The following NLGN1 variants were observed in gnomAD, a reference collection of about 807,000 sequenced individuals.
NLGN1 encodes neuroligin 1.
NLGN1 carries 12 observed loss-of-function variants against 65.5 expected under a neutral mutation model. The ratio of observed to expected loss-of-function variants is 0.18; its 90% CI spans 0.12 to 0.30. NLGN1 has a LOEUF of 0.30. Among genes scored for constraint, NLGN1 ranks in the 10% least tolerant of loss-of-function variants. The probability of loss-of-function intolerance (pLI) is 1.00; values close to 1 mark genes in which losing one functional copy is unlikely to be tolerated. For synonymous variants in NLGN1, 350 were observed against 359.5 expected (o/e 0.97, Z 0.30); for missense variants, 750 against 1,007.1 (o/e 0.74, Z 3.46).
Position 174,066,049 on chromosome 3 carries a change from A to T in NLGN1, c.647-209266A>T, listed in dbSNP as rs111994661. 5.5e-3 allele frequency among the ~76,000 whole-genome samples: 843 copies of T among 152,336 alleles called. 11 individuals carry two copies. Among genetic ancestry groups the T allele is most frequent in the African/African-American group, 0.02 (812 of 41,580 alleles). On this transcript the variant is annotated intron_variant, in intron 4 of 6. Transcript: ENST00000457714. ...ATTTGTTACACAGCATTACTAATGC[A>T]CTTGGATTTGTAAGACTGCTTTTTA... is the stretch of plus-strand genomic sequence containing the variant.
At chr3:173,713,091 G>T (rs142247353) in intron 3 of NLGN1, among the ~76,000 whole-genome samples, 2 of 152,036 alleles carry the variant, frequency 1.3e-5, no homozygotes, top group Non-Finnish European at 2.9e-5. Flanking sequence ...AAACAAGGTT[G>T]CATTTTTATA....
intron 2 of NLGN1, among the ~76,000 whole-genome samples, chr3:173,448,051 A>T (rs1720718430): frequency 6.6e-6 from 1 of 152,122 alleles, no homozygotes; most frequent in African/African-American, 2.4e-5. Context: ...AATGCCCTTT[A>T]TTTCCTTCTC....
At chr3:173,510,442 A>G (rs1325591597) in intron 2 of NLGN1, among the ~76,000 whole-genome samples, 1 of 152,190 alleles carries the variant, frequency 6.6e-6, no homozygotes, top group African/African-American at 2.4e-5. Context: ...TTATAGCCAG[A>G]ACACAGGTGA....
At chr3:173,871,293 GA>G in intron 4 of NLGN1, among the ~76,000 whole-genome samples, 1 of 152,050 alleles carries the variant, frequency 6.6e-6, no homozygotes, top group Non-Finnish European at 1.5e-5. Flanking sequence ...AGTAGATGTG[GA>G]AAAAAAGATG....
At chr3:173,608,953 C>T (rs1210873490) in intron 3 of NLGN1, among the ~76,000 whole-genome samples, 1 of 152,076 alleles carries the variant, frequency 6.6e-6, no homozygotes. Flanking sequence ...AATAATACCA[C>T]ATGCTTCTTA....
At chr3:174,196,305 A>AT (rs141985993) in intron 4 of NLGN1, among the ~76,000 whole-genome samples, 8 of 151,668 alleles carry the variant, frequency 5.3e-5, no homozygotes, top group African/African-American at 1.5e-4. Context: ...CTGTACATCT[A>AT]TTTTTTTTCT....
intron 4 of NLGN1, among the ~76,000 whole-genome samples, chr3:174,152,017 T>G (rs1273053342): frequency 6.6e-6 from 1 of 152,122 alleles, no homozygotes; most frequent in Non-Finnish European, 1.5e-5. Flanking sequence ...CAAAACACCT[T>G]TGCGTATCTG....
At chr3:174,255,902 G>A (rs958103905) in intron 4 of NLGN1, among the ~76,000 whole-genome samples, 3 of 152,008 alleles carry the variant, frequency 2.0e-5, no homozygotes, top group East Asian at 1.9e-4. Context: ...CAAGTGATCC[G>A]CCCACCTCGC....
At chr3:174,264,668 C>T (rs1260068349) in intron 4 of NLGN1, among the ~76,000 whole-genome samples, 1 of 150,872 alleles carries the variant, frequency 6.6e-6, no homozygotes, top group Non-Finnish European at 1.5e-5. Context: ...CGTCTGAAGC[C>T]TTCTCCCCTC....
intron 4 of NLGN1, among the ~76,000 whole-genome samples, chr3:174,029,063 T>C (rs1451291719): frequency 6.6e-6 from 1 of 152,096 alleles, no homozygotes; most frequent in African/African-American, 2.4e-5. Context: ...AAAAGGAAAA[T>C]GTGTGGGGTT....
At chr3:174,098,720 CCCACAAAGG>C (rs1251333315) in intron 4 of NLGN1, among the ~76,000 whole-genome samples, 1 of 152,110 alleles carries the variant, frequency 6.6e-6, no homozygotes, top group Non-Finnish European at 1.5e-5. Context: ...CAAACCACAT[CCCACAAAGG>C]CCACTGGTCC....
chr3:173,685,939 G>A (rs371248949), intron 3 of NLGN1: 6 of 407,454 alleles, frequency 1.5e-5, no homozygotes, highest in Non-Finnish European at 2.0e-5. Context: ...GTGGGAGTAC[G>A]TGGACTATAT....
chr3:173,796,552 C>T (rs1474913383), intron 3 of NLGN1, among the ~76,000 whole-genome samples: 1 of 152,050 alleles, frequency 6.6e-6, no homozygotes, highest in Non-Finnish European at 1.5e-5. Flanking sequence ...ATAGTAATTA[C>T]TCTCACTCCC....
At chr3:173,880,693 T>A (rs1733055298) in intron 4 of NLGN1, among the ~76,000 whole-genome samples, 1 of 152,184 alleles carries the variant, frequency 6.6e-6, no homozygotes, top group Non-Finnish European at 1.5e-5. Context: ...TGCCTCAGTG[T>A]TTATGGCTGC....
chr3:173,712,243 G>A (rs570690675), intron 3 of NLGN1, among the ~76,000 whole-genome samples: 75 of 152,158 alleles, frequency 4.9e-4, no homozygotes, highest in African/African-American at 1.8e-3. Flanking sequence ...GGTAAGTATT[G>A]TACTTGGATT....
At chr3:174,080,467 T>C (rs1431134580) in intron 4 of NLGN1, among the ~76,000 whole-genome samples, 3 of 152,202 alleles carry the variant, frequency 2.0e-5, no homozygotes, top group Admixed American at 6.5e-5. Flanking sequence ...TTTGACCTTT[T>C]GACTTGGGGC....
intron 4 of NLGN1, among the ~76,000 whole-genome samples, chr3:174,234,542 A>T (rs933686252): frequency 6.6e-6 from 1 of 152,182 alleles, no homozygotes; most frequent in African/African-American, 2.4e-5. Context: ...GCTTGAGCCC[A>T]CTTGCCCAAC....
At chr3:173,401,303 C>T (rs1051042160) in intron 1 of NLGN1, among the ~76,000 whole-genome samples, 5 of 151,456 alleles carry the variant, frequency 3.3e-5, no homozygotes, top group African/African-American at 1.2e-4. Flanking sequence ...TTGTCCCAGG[C>T]TCAGAAGTTT....
intron 3 of NLGN1, among the ~76,000 whole-genome samples, chr3:173,614,024 C>T (rs1288787278): frequency 2.3e-5 from 3 of 128,488 alleles, no homozygotes; most frequent in Non-Finnish European, 4.8e-5. Flanking sequence ...AGTAGTTATT[C>T]CACTTAAAAA....
Sources: gnomAD v4.1 joint callset for allele counts (sites outside exome capture counted in the v4.1 genomes callset) on GRCh38, gnomAD v4.1.1 for gene constraint, MANE v1.5 for transcripts, NCBI Gene and HGNC (gene_info 2026-07-23, HGNC 2026-07-21) for gene names.